SLC35F3: variants seen among roughly 807,000 people sequenced by gnomAD.
SLC35F3 encodes putative thiamine transporter SLC35F3.
SLC35F3 carries 25 observed loss-of-function variants against 49.9 expected under a neutral mutation model. The observed-to-expected ratio is 0.50, with a 90% CI of 0.37 to 0.70. The LOEUF (loss-of-function observed/expected upper bound fraction) is 0.70, where lower values mean the gene tolerates loss of function less well. SLC35F3 is among the 30% of genes least tolerant of loss of function. The pLI is 0.00. For synonymous variants in SLC35F3, 275 were observed against 265.4 expected, an observed-to-expected ratio of 1.04 and a Z score of -0.35; for missense variants, 525 against 639.8, an observed-to-expected ratio of 0.82 and a Z score of 1.94.
At chr1:233,941,438 G>A (rs1488617099) in intron 2 of SLC35F3, among the ~76,000 whole-genome samples, 10 of 152,120 alleles carry the variant, frequency 6.6e-5, no homozygotes, top group African/African-American at 2.2e-4. Context: ...TGAATCTCTC[G>A]CATTAGAACA....
chr1:234,054,198 G>A (rs925564797), intron 2 of SLC35F3, among the ~76,000 whole-genome samples: 34 of 152,292 alleles, frequency 2.2e-4, no homozygotes, highest in Non-Finnish European at 4.6e-4. Flanking sequence ...GCCTTGCTAG[G>A]TTGGGGAAGT....
At chr1:233,984,168 C>T (rs944305458) in intron 2 of SLC35F3, among the ~76,000 whole-genome samples, 1 of 152,180 alleles carries the variant, frequency 6.6e-6, no homozygotes, top group African/African-American at 2.4e-5. Context: ...AAAAGCTACT[C>T]GGCTCTTCTC....
intron 2 of SLC35F3, among the ~76,000 whole-genome samples, chr1:234,098,914 G>A (rs1038634292): frequency 5.3e-5 from 8 of 151,956 alleles, no homozygotes; most frequent in Non-Finnish European, 7.4e-5. Flanking sequence ...TGTGTTGGTG[G>A]TGGTGGCAGT....
Position 234,024,742 on chromosome 1 carries a change from G to A in SLC35F3, c.283+118984G>A, listed in dbSNP as rs137986962. 1.8e-4 allele frequency among the ~76,000 whole-genome samples: 27 copies of A among 152,212 alleles called. No homozygotes were observed. The East Asian group carries it at 3.7e-3, about 21-fold the overall frequency. On this transcript the variant is annotated intron_variant, in intron 2 of 7. Coordinates refer to ENST00000366618, the MANE Select transcript of SLC35F3 (RefSeq NM_173508.4). The stretch of plus-strand genomic sequence containing the variant: ...GTGGATTATTTCCTTCATGAGCAAC[G>A]AACCCTCGTGACCCCATCACCTCTT...
At chr1:233,964,365 A>G (rs1572000025) in intron 2 of SLC35F3, among the ~76,000 whole-genome samples, 2 of 152,138 alleles carry the variant, frequency 1.3e-5, no homozygotes, top group Non-Finnish European at 2.9e-5. Context: ...TGAAGGTTTC[A>G]GAGTGCACCC....
chr1:234,092,907 A>G (rs1037964578), intron 2 of SLC35F3, among the ~76,000 whole-genome samples: 1 of 152,146 alleles, frequency 6.6e-6, no homozygotes, highest in Non-Finnish European at 1.5e-5. Context: ...TAAAATAAAG[A>G]TGAATGTTGG....
At chr1:234,104,167 C>A (rs149029486) in intron 2 of SLC35F3, among the ~76,000 whole-genome samples, 1 of 152,110 alleles carries the variant, frequency 6.6e-6, no homozygotes, top group Admixed American at 6.6e-5. Flanking sequence ...AAAGAAGAAA[C>A]CTTATCCTAG....
At chr1:234,116,525 A>T (rs199850496) in intron 2 of SLC35F3, among the ~76,000 whole-genome samples, 19,751 of 57,560 alleles carry the variant, frequency 0.34, 2,908 homozygotes, top group East Asian at 0.84. Context: ...TTATTTATTT[A>T]TTTTGAGACA....
chr1:234,062,167 A>G (rs1038550436), intron 2 of SLC35F3, among the ~76,000 whole-genome samples: 10 of 152,180 alleles, frequency 6.6e-5, no homozygotes, highest in Non-Finnish European at 4.4e-5. Context: ...AACTTTTGTT[A>G]CTGTCTGGAT....
At chr1:233,998,253 T>C (rs558591648) in intron 2 of SLC35F3, among the ~76,000 whole-genome samples, 2 of 152,230 alleles carry the variant, frequency 1.3e-5, no homozygotes, top group East Asian at 3.9e-4. Context: ...ATCATTCTCC[T>C]ACCTAGCTAG....
At position 233,921,716 on chromosome 1, in the gene SLC35F3, A is replaced by G. The variant is rs568495642; in HGVS notation, c.283+15958A>G. 4.6e-5 allele frequency among the ~76,000 whole-genome samples: 7 copies of G among 152,112 alleles called. No homozygotes were observed. In the South Asian group the frequency reaches 1.5e-3, roughly 32 times the overall value. ...TGTGCACAACGTGCAGGTATGTTAC[A>G]TATGTATACATGTGCCATGTTGGTG... is the stretch of plus-strand genomic sequence containing the variant. On this transcript the variant is annotated intron_variant, in intron 2 of 7. Transcript: ENST00000366618.
chr1:234,155,591 A>G (rs1219518971), intron 2 of SLC35F3, among the ~76,000 whole-genome samples: 3 of 152,024 alleles, frequency 2.0e-5, no homozygotes, highest in Non-Finnish European at 2.9e-5. Flanking sequence ...ATATTAAACC[A>G]GAACAATTAA....
intron 3 of SLC35F3, among the ~76,000 whole-genome samples, chr1:234,267,912 ACGCTCCT>A (rs1668021762): frequency 1.2e-5 from 1 of 80,346 alleles, no homozygotes; most frequent in African/African-American, 6.4e-5. Context: ...CCGGGCAGAG[ACGCTCCT>A]CACTTCCTAG....
At chr1:233,924,104 T>C (rs940086974) in intron 2 of SLC35F3, among the ~76,000 whole-genome samples, 19 of 152,242 alleles carry the variant, frequency 1.2e-4, no homozygotes, top group African/African-American at 4.6e-4. Flanking sequence ...TCTAAAATTA[T>C]CTTTTTTTGT....
At chr1:234,112,722 A>ATTTTTTTTTTTTTTTTT (rs1157248348) in intron 2 of SLC35F3, among the ~76,000 whole-genome samples, 1 of 33,546 alleles carries the variant, frequency 3.0e-5, no homozygotes, top group Non-Finnish European at 4.9e-5. Flanking sequence ...TGCCCAGCTA[A>ATTTTTTTTTTTTTTTTT]TTTTTTTTTT....
intron 4 of SLC35F3, among the ~76,000 whole-genome samples, chr1:234,315,155 G>C (rs1434636230): frequency 6.6e-6 from 1 of 152,164 alleles, no homozygotes; most frequent in African/African-American, 2.4e-5. Context: ...AGAACACGCA[G>C]ACAGATTGGG....
chr1:233,941,720 A>G (rs933196199), intron 2 of SLC35F3, among the ~76,000 whole-genome samples: 2 of 120,566 alleles, frequency 1.7e-5, no homozygotes, highest in Non-Finnish European at 4.2e-5. Context: ...ATATTGCACC[A>G]AAAAAATAGT....
intron 2 of SLC35F3, among the ~76,000 whole-genome samples, chr1:234,057,483 T>C (rs1664473453): frequency 6.6e-6 from 1 of 152,240 alleles, no homozygotes; most frequent in African/African-American, 2.4e-5. Flanking sequence ...AGAAATGCAA[T>C]TGATTTTTTA....
chr1:233,986,519 A>G (rs1298187412), intron 2 of SLC35F3, among the ~76,000 whole-genome samples: 2 of 152,192 alleles, frequency 1.3e-5, no homozygotes, highest in African/African-American at 2.4e-5. Context: ...TGTATGTATT[A>G]TATGTTGTTA....
Sources: gnomAD v4.1 joint callset for allele counts (sites outside exome capture counted in the v4.1 genomes callset) on GRCh38, gnomAD v4.1.1 for gene constraint, MANE v1.5 for transcripts, NCBI Gene and HGNC (gene_info 2026-07-23, HGNC 2026-07-21) for gene names.